The following NREP variants were observed in gnomAD, a reference collection of about 807,000 sequenced individuals.
NREP encodes the protein neuronal regeneration related protein, also known as neuronal regeneration-related protein.
Under a neutral mutation model 8.6 loss-of-function variants are expected in NREP, and 5 were observed. The ratio of observed to expected loss-of-function variants is 0.58; its 90% confidence interval spans 0.30 to 1.22. NREP has a LOEUF of 1.22. Ranked by LOEUF, NREP falls within the 50% of genes most tolerant of loss-of-function variation. The pLI is 0.07. For missense variants in NREP, 86 were observed against 82.5 expected, an observed-to-expected ratio of 1.04 and a Z score of -0.17; for synonymous variants, 27 against 28.0, an observed-to-expected ratio of 0.96 and a Z score of 0.11.
At chr5:111,750,730 ATACTGG>A (rs1208144062) in intron 2 of NREP, among the ~76,000 whole-genome samples, 1 of 152,232 alleles carries the variant, frequency 6.6e-6, no homozygotes, top group African/African-American at 2.4e-5. Flanking sequence ...GAAAGTTCCA[ATACTGG>A]GAGTAAAGCT....
At chr5:111,961,044 A>G (rs1372808864) in intron 2 of NREP, among the ~76,000 whole-genome samples, 1 of 152,262 alleles carries the variant, frequency 6.6e-6, no homozygotes, top group Non-Finnish European at 1.5e-5. Context: ...CTGCCCATTG[A>G]CAAATTACTT....
At chr5:111,860,002 G>T (rs1203793238) in intron 2 of NREP, among the ~76,000 whole-genome samples, 1 of 152,152 alleles carries the variant, frequency 6.6e-6, no homozygotes, top group Non-Finnish European at 1.5e-5. Flanking sequence ...GTACTCTGGA[G>T]CCTTCCTTAT....
chr5:111,877,925 G>A (rs1581183559), intron 2 of NREP, among the ~76,000 whole-genome samples: 1 of 152,204 alleles, frequency 6.6e-6, no homozygotes, highest in South Asian at 2.1e-4. Flanking sequence ...CTACAGCTAT[G>A]TGAAAGAGAG....
intron 2 of NREP, among the ~76,000 whole-genome samples, chr5:111,805,993 C>T (rs1406285725): frequency 6.6e-6 from 1 of 152,046 alleles, no homozygotes; most frequent in Non-Finnish European, 1.5e-5. Context: ...ACATGTATGT[C>T]AGAGCATCTT....
At chr5:111,884,151 G>GA (rs1464280150) in intron 2 of NREP, among the ~76,000 whole-genome samples, 1 of 151,690 alleles carries the variant, frequency 6.6e-6, no homozygotes, top group Non-Finnish European at 1.5e-5. Flanking sequence ...TATCACCACC[G>GA]ATCCCACAGA....
intron 2 of NREP, among the ~76,000 whole-genome samples, chr5:111,836,110 G>C (rs551842367): frequency 1.3e-5 from 2 of 152,182 alleles, no homozygotes; most frequent in Non-Finnish European, 2.9e-5. Flanking sequence ...ACTAAGCACA[G>C]GAATGTAATG....
At chr5:111,877,316 C>A (rs1303917459) in intron 2 of NREP, among the ~76,000 whole-genome samples, 1 of 152,214 alleles carries the variant, frequency 6.6e-6, no homozygotes, top group Non-Finnish European at 1.5e-5. Flanking sequence ...TTTGTTCATT[C>A]TTTCTCCAAT....
intron 2 of NREP, among the ~76,000 whole-genome samples, chr5:111,858,873 A>G (rs1267339766): frequency 2.6e-5 from 4 of 152,184 alleles, no homozygotes; most frequent in Non-Finnish European, 5.9e-5. Flanking sequence ...GAATACATAA[A>G]ACATTTCTAT....
At chr5:111,753,198 C>T (rs773744707) in intron 2 of NREP, among the ~76,000 whole-genome samples, 5 of 151,714 alleles carry the variant, frequency 3.3e-5, no homozygotes, top group Non-Finnish European at 7.4e-5. Flanking sequence ...TTTAACAGTA[C>T]TCTTGAGTTG....
chr5:111,777,338 G>A (rs1332798442), intron 2 of NREP, among the ~76,000 whole-genome samples: 1 of 148,542 alleles, frequency 6.7e-6, no homozygotes, highest in Non-Finnish European at 1.5e-5. Context: ...ACAGTGTGTG[G>A]TGTGGGTGTG....
chr5:111,928,081 G>A (rs1181934611), intron 2 of NREP, among the ~76,000 whole-genome samples: 1 of 152,102 alleles, frequency 6.6e-6, no homozygotes, highest in Non-Finnish European at 1.5e-5. Flanking sequence ...CTCTCCACTT[G>A]ACAGTTGCAC....
At chr5:111,793,193 C>T (rs1751790953) in intron 2 of NREP, among the ~76,000 whole-genome samples, 1 of 152,130 alleles carries the variant, frequency 6.6e-6, no homozygotes, top group East Asian at 1.9e-4. Context: ...GTAAGTCAGG[C>T]TTCTCAAGAG....
intron 2 of NREP, among the ~76,000 whole-genome samples, chr5:111,782,667 A>G (rs1326256757): frequency 1.3e-5 from 2 of 152,164 alleles, no homozygotes; most frequent in Non-Finnish European, 1.5e-5. Flanking sequence ...GAAATTTCCC[A>G]TAAAATACAC....
At chr5:111,938,795 A>T (rs1021302498) in intron 2 of NREP, among the ~76,000 whole-genome samples, 2 of 152,096 alleles carry the variant, frequency 1.3e-5, no homozygotes, top group Non-Finnish European at 2.9e-5. Context: ...ACAGCTTAGT[A>T]TACTGCAGTC....
chr5:111,831,493 C>T (rs762602162), intron 2 of NREP, among the ~76,000 whole-genome samples: 6 of 152,238 alleles, frequency 3.9e-5, no homozygotes, highest in Middle Eastern at 3.4e-3. Context: ...ATGGGCTTTT[C>T]GCTCTTCTCA....
At chr5:111,775,687 G>A (rs187107465) in intron 2 of NREP, among the ~76,000 whole-genome samples, 1 of 152,036 alleles carries the variant, frequency 6.6e-6, no homozygotes, top group African/African-American at 2.4e-5. Context: ...GTAGACGAGG[G>A]CTTTGTAAAA....
chr5:111,883,886 T>G (rs1328059416), intron 2 of NREP, among the ~76,000 whole-genome samples: 1 of 151,898 alleles, frequency 6.6e-6, no homozygotes, highest in African/African-American at 2.4e-5. Flanking sequence ...GATCTAAAAT[T>G]CACACCCTGA....
chr5:111,765,001 G>A (rs1373440021), intron 2 of NREP, among the ~76,000 whole-genome samples: 1 of 152,068 alleles, frequency 6.6e-6, no homozygotes, highest in East Asian at 1.9e-4. Context: ...AAAAATGAAG[G>A]CCGTTACATA....
intron 2 of NREP, among the ~76,000 whole-genome samples, chr5:111,817,280 T>C (rs1306933435): frequency 6.6e-6 from 1 of 152,206 alleles, no homozygotes; most frequent in African/African-American, 2.4e-5. Flanking sequence ...TATTGTGTTA[T>C]TGCACTGGAC....
Sources: gnomAD v4.1 joint callset for allele counts (sites outside exome capture counted in the v4.1 genomes callset) on GRCh38, gnomAD v4.1.1 for gene constraint, MANE v1.5 for transcripts, NCBI Gene and HGNC (gene_info 2026-07-23, HGNC 2026-07-21) for gene names.